Variants in CAPG observed in about 807,000 individuals in gnomAD.
CAPG encodes macrophage-capping protein.
CAPG carries 32 observed loss-of-function variants against 44.6 expected under a neutral mutation model. The observed-to-expected ratio is 0.72, with a 90% CI of 0.54 to 0.96. The LOEUF is 0.96. Ranked by LOEUF, CAPG falls within the 50% of genes least tolerant of loss-of-function variation. The pLI, the probability that CAPG is intolerant of heterozygous loss-of-function variation, is 0.00. For synonymous variants in CAPG, 175 were observed against 179.6 expected (o/e 0.97, Z 0.20); for missense variants, 412 against 438.3 (o/e 0.94, Z 0.54).
chr2:85,418,052 T>G (rs1218653113), intron 1 of CAPG, among the ~76,000 whole-genome samples: 2 of 152,118 alleles, frequency 1.3e-5, no homozygotes, highest in Admixed American at 1.3e-4. Context: ...AAAAATCTGA[T>G]CAGTCAAGCC....
chr2:85,401,021 G>C, intron 5 of CAPG, 144 bp downstream of exon 5: 1 of 729,352 alleles, frequency 1.4e-6, no homozygotes, highest in Admixed American at 2.9e-5. Flanking sequence ...CAAATATAGG[G>C]ACATTCTCCA....
chr2:85,395,846 C>T lies in CAPG; in HGVS notation c.893-220G>A, dbSNP rs571544541. The T allele has an allele frequency of 1.6e-3, 859 of 551,116 alleles. 14 individuals carry two copies. The South Asian group carries it at 0.017, about 11-fold the overall frequency. The allele number at this position is 551,116 out of a possible 1,614,324, so 34.1% of individuals were successfully genotyped here. A position where few individuals can be genotyped will look rare whatever the true frequency, so the allele number is the denominator to read the frequency against. On this transcript the variant is annotated intron_variant, in intron 8 of 9. Coordinates refer to ENST00000263867, the MANE Select transcript of CAPG (RefSeq NM_001747.4). This position sits in a 1 kb window ranked among gnomAD's most constrained non-coding sequence, Gnocchi z 4.3. Reference sequence around the variant, plus strand: ...AGCACCAAGGTAGATGAAAACCCCTCGTCTGCCCGGGTCTGATCATGCAAA... The same window carrying T: ...AGCACCAAGGTAGATGAAAACCCCTTGTCTGCCCGGGTCTGATCATGCAAA...
At chr2:85,412,939 T>C (rs1687460187), upstream of CAPG, among the ~76,000 whole-genome samples, 1 of 152,210 alleles carries the variant, frequency 6.6e-6, no homozygotes, top group African/African-American at 2.4e-5. Flanking sequence ...AAATAATACA[T>C]GCTCGATAAA....
chr2:85,397,167 G>A (rs1163363251), intron 8 of CAPG, among the ~76,000 whole-genome samples: 2 of 152,144 alleles, frequency 1.3e-5, no homozygotes, highest in Non-Finnish European at 1.5e-5. Flanking sequence ...AGAATCCCAG[G>A]ATCAGGGGTC....
Position 85,399,243 on chromosome 2 carries a change from G to A in CAPG, c.559C>T (p.Arg187Cys), listed in dbSNP as rs759782342. 1.9e-5 allele frequency: 30 copies of A among 1,614,046 alleles called. No individual in the cohort carries two copies. The highest frequency in any genetic ancestry group is 1.6e-4 in the Middle Eastern group (1 of 6,084). ...WCGGKSNILE[R>C]NKARDLALAI... ...AGGGCCAGGTCCCTCGCCTTGTTGC[G>A]TTCCAGGATGTTGGACTTTCCACCA... Residue 187 changes from arginine (R) to cysteine (C), a missense_variant, in exon 6 of 10, where the codon CGC becomes TGC. Transcript: ENST00000263867.
downstream of CAPG, among the ~76,000 whole-genome samples, chr2:85,393,313 G>A (rs536817987): frequency 7.9e-5 from 12 of 152,280 alleles, no homozygotes; most frequent in Admixed American, 1.3e-4. Flanking sequence ...TGGGATTATA[G>A]GCATGAGCCA....
In CAPG at chr2:85,394,958, C is replaced by A. The variant is rs1441720974; in HGVS notation, c.982G>T (p.Val328Leu). 3.7e-6 allele frequency: 6 copies of A among 1,609,814 alleles called. No individual in the cohort carries two copies. Among genetic ancestry groups the A allele is most frequent in the Non-Finnish European group, 4.3e-6 (5 of 1,176,056 alleles). ...SRMQYAPNTQ[V>L]EILPQGHESP... ...TCATGGCCCTGAGGCAGAATCTCCA[C>A]CTGCAGGGACAGCGGGGGAGAAGTC... Residue 328 changes from valine to leucine, a missense_variant and splice_region_variant, in exon 10 of 10, where the codon GTG becomes TTG. By Grantham distance (32) the Val-to-Leu change is conservative. Coordinates refer to ENST00000263867, the MANE Select transcript of CAPG (RefSeq NM_001747.4).
intron 8 of CAPG, among the ~76,000 whole-genome samples, chr2:85,396,191 T>G (rs1686587692): frequency 6.6e-6 from 1 of 152,110 alleles, no homozygotes; most frequent in Non-Finnish European, 1.5e-5. Flanking sequence ...GCTTTTTTAT[T>G]TTTATTTTTT....
In CAPG at chr2:85,399,121, C is replaced by T; in HGVS notation, c.666+15G>A. 1 of 1,611,092 alleles carries T rather than the reference C, an allele frequency of 6.2e-7. No individual in the cohort carries two copies. The highest frequency in any genetic ancestry group is 8.5e-7 in the Non-Finnish European group (1 of 1,177,518). ...AAGCAGAGGCTCCCAGCCACCCACT[C>T]CAATGTCCCCCAACCTGGATCATCT... On this transcript the variant is annotated intron_variant, in intron 6 of 9. Coordinates refer to ENST00000263867, the MANE Select transcript of CAPG (RefSeq NM_001747.4).
At chr2:85,398,304 T>A in intron 7 of CAPG, 152 bp from the exon 8 acceptor site, 3 of 897,730 alleles carry the variant, frequency 3.3e-6, no homozygotes, top group Non-Finnish European at 5.0e-6. Context: ...AGTGAAGACC[T>A]GAAAAGCAAA....
chr2:85,398,388 G>C lies in CAPG; in HGVS notation c.760-236C>G, dbSNP rs898235543. On this transcript the variant is annotated intron_variant, in intron 7 of 9. Coordinates refer to ENST00000263867, the MANE Select transcript of CAPG (RefSeq NM_001747.4). ...GGGCCCCGAACCCATTTGGAAATTA[G>C]GTGGATTCCAAATTACAAAGAAATG... The C allele has an allele frequency of 2.5e-5, 15 of 588,464 alleles. No individual in the cohort carries two copies. The Admixed American group carries it at 2.8e-4, about 11-fold the overall frequency. 36.5% of individuals were successfully genotyped at this position (588,464 alleles called of 1,614,324 possible).
Position 85,395,763 on chromosome 2 carries a change from T to C in CAPG, c.893-137A>G. 1 of 635,092 alleles carries C rather than the reference T, an allele frequency of 1.6e-6. No individual in the cohort carries two copies. Among genetic ancestry groups the C allele is most frequent in the South Asian group, 1.9e-5 (1 of 54,048 alleles). 39.3% of individuals were successfully genotyped at this position (635,092 alleles called of 1,614,324 possible). On this transcript the variant is annotated intron_variant, in intron 8 of 9. Transcript: ENST00000263867. This position sits in a 1 kb window ranked among gnomAD's most constrained non-coding sequence, Gnocchi z 4.3. ...ATAAATGGACCAGGGGTCCCAAGAA[T>C]GCCGAGGGGCTCTTTGGAGATGTGG...
rs956323297 is a variant in CAPG at position 85,401,587 on chromosome 2, A to C, written c.293T>G (p.Val98Gly). The change falls in exon 4 of 10, where the codon GTG (valine) becomes GGG (glycine). Residue 98 changes from valine (V) to glycine (G), a missense_variant. Val to Gly is a moderately radical substitution (Grantham distance 109). Transcript: ENST00000263867. ...GAAGAGGTCAGACTCATTGCCCTGC[A>C]CCTCGCGGTGCTGCACAGGCCGCTC... is the stretch of plus-strand genomic sequence containing the variant. ...LGERPVQHRE[V>G]QGNESDLFMS... The C allele has an allele frequency of 6.2e-7, 1 of 1,614,080 alleles. No homozygotes were observed.
upstream of CAPG, among the ~76,000 whole-genome samples, chr2:85,413,646 G>A (rs1457904428): frequency 6.6e-6 from 1 of 152,074 alleles, no homozygotes; most frequent in African/African-American, 2.4e-5. Flanking sequence ...TCTCGGGAGC[G>A]GCTAGGAACT....
At chr2:85,403,372 G>C (rs148989881) in intron 1 of CAPG, among the ~76,000 whole-genome samples, 3 of 151,852 alleles carry the variant, frequency 2.0e-5, no homozygotes, top group Non-Finnish European at 4.4e-5. Flanking sequence ...TCGTTCCCCC[G>C]CCAAAAAACC....
intron 7 of CAPG, 103 bp downstream of exon 7, chr2:85,398,587 C>T (rs1307250639): frequency 1.5e-5 from 15 of 969,098 alleles, no homozygotes; most frequent in Non-Finnish European, 2.4e-5. Flanking sequence ...CCAGCCCCAC[C>T]TTCCCCCTGC....
At chr2:85,406,657 G>A (rs969630038) in intron 1 of CAPG, among the ~76,000 whole-genome samples, 2 of 152,038 alleles carry the variant, frequency 1.3e-5, no homozygotes, top group Admixed American at 6.5e-5. Flanking sequence ...TCGGGAGTTC[G>A]AGACCAGCCT....
At position 85,402,136 on chromosome 2, in the gene CAPG, C is replaced by T. The variant is rs755960406; in HGVS notation, c.10G>A (p.Ala4Thr). The T allele has an allele frequency of 1.2e-6, 2 of 1,606,404 alleles. No individual in the cohort carries two copies. Among genetic ancestry groups the T allele is most frequent in the South Asian group, 1.1e-5 (1 of 90,052 alleles). Reference sequence around the variant, plus strand: ...CATGCAGCTTACCTCTGGGGAATGGCTGTGTACATGCTGTCTTCAGATCTG... The same window carrying T: ...CATGCAGCTTACCTCTGGGGAATGGTTGTGTACATGCTGTCTTCAGATCTG... The part of the protein sequence containing the change: MYT[A>T]IPQSGSPFPG... Residue 4 changes from alanine (A) to threonine (T), a missense_variant, in exon 2 of 10, where the codon GCC becomes ACC. Ala to Thr is a moderately conservative substitution (Grantham distance 58, BLOSUM62 0). Coordinates refer to ENST00000263867, the MANE Select transcript of CAPG (RefSeq NM_001747.4).
At chr2:85,399,027 A>G in intron 6 of CAPG, 109 bp downstream of exon 6, 1 of 1,256,182 alleles carries the variant, frequency 8.0e-7, no homozygotes. Context: ...AGTACACCAG[A>G]TGGCCCCTGC....
Sources: gnomAD v4.1 joint callset for allele counts (sites outside exome capture counted in the v4.1 genomes callset) on GRCh38, gnomAD v4.1.1 for gene constraint, Gnocchi (gnomAD v3.1) non-coding constraint, MANE v1.5 for transcripts, NCBI Gene and HGNC (gene_info 2026-07-23, HGNC 2026-07-21) for gene names.